FRMD3: variants seen among roughly 807,000 people sequenced by gnomAD.
The protein encoded by FRMD3 is FERM domain-containing protein 3.
Under a neutral mutation model 70.2 loss-of-function variants are expected in FRMD3, and 33 were observed. That is an observed-to-expected ratio of 0.47 (90% confidence interval 0.36 to 0.63). The LOEUF (loss-of-function observed/expected upper bound fraction) is 0.63, where lower values mean the gene tolerates loss of function less well. Among genes scored for constraint, FRMD3 ranks in the 20% least tolerant of loss-of-function variants. The pLI, the probability that FRMD3 is intolerant of heterozygous loss-of-function variation, is 0.00. For synonymous variants in FRMD3, 279 were observed against 255.9 expected, an observed-to-expected ratio of 1.09 and a Z score of -0.86; for missense variants, 632 against 711.4, an observed-to-expected ratio of 0.89 and a Z score of 1.27.
intron 13 of FRMD3, among the ~76,000 whole-genome samples, chr9:83,266,618 G>A (rs898074274): frequency 6.6e-6 from 1 of 152,128 alleles, no homozygotes; most frequent in African/African-American, 2.4e-5. Flanking sequence ...AAGCAGATCT[G>A]AGCTCTGACC....
rs199704575 is a variant in FRMD3, at chr9:83,248,032, G to C, written c.1680C>G (p.Cys560Trp). The C allele has an allele frequency of 1.2e-6, 2 of 1,614,118 alleles. No individual in the cohort carries two copies. Among genetic ancestry groups the C allele is most frequent in the Non-Finnish European group, 1.7e-6 (2 of 1,180,026 alleles). ...CAAACTCTGGTGTCTGGCGGATTTC[G>C]CATAAGAAGGAGAGATCAATACCTG... ...LESGIDLSFL[C>W]EIRQTPEFEQ... The change falls in exon 14 of 14, where the codon TGC becomes TGG. Residue 560 changes from cysteine (C) to tryptophan (W), a missense_variant. Coordinates refer to ENST00000304195, the MANE Select transcript of FRMD3 (RefSeq NM_174938.6).
chr9:83,473,603 T>TAC (rs1285607721), intron 1 of FRMD3, among the ~76,000 whole-genome samples: 7 of 152,144 alleles, frequency 4.6e-5, no homozygotes, highest in African/African-American at 1.4e-4. Context: ...AAGTACATCA[T>TAC]ATTTTCTATC....
rs563296485 is a variant in FRMD3 at position 83,529,412 on chromosome 9, T to C, written c.147+8673A>G. The stretch of plus-strand genomic sequence containing the variant: ...AAAATGTTCTGGAATTAGGGAGTGA[T>C]TGTAGTTGCAAAGTCTTATGAATAT... On this transcript the variant is annotated intron_variant, in intron 1 of 13. Transcript: ENST00000304195. 1.6e-4 allele frequency among the ~76,000 whole-genome samples: 24 copies of C among 152,336 alleles called. No individual in the cohort carries two copies. In the South Asian group the frequency reaches 4.8e-3, roughly 30 times the overall value.
chr9:83,580,331 C>A, the FRMD3 span, among the ~76,000 whole-genome samples: 1 of 151,988 alleles, frequency 6.6e-6, no homozygotes, highest in Non-Finnish European at 1.5e-5. Context: ...TATCTGTACT[C>A]CCATACTCCC....
chr9:83,415,504 G>A (rs1020375046), intron 1 of FRMD3, among the ~76,000 whole-genome samples: 10 of 147,592 alleles, frequency 6.8e-5, no homozygotes, highest in Middle Eastern at 3.6e-3. Context: ...GTGCAGTGGC[G>A]CGATCTCGGC....
intron 1 of FRMD3, among the ~76,000 whole-genome samples, chr9:83,403,968 G>A (rs533933613): frequency 6.6e-6 from 1 of 152,020 alleles, no homozygotes; most frequent in East Asian, 1.9e-4. Context: ...ATACCCGAAG[G>A]TTCCCAGTAG....
chr9:83,547,500 T>C, the FRMD3 span, among the ~76,000 whole-genome samples: 1 of 151,930 alleles, frequency 6.6e-6, no homozygotes, highest in African/African-American at 2.4e-5. Flanking sequence ...ATTCTAAATA[T>C]ATATGCCCCC....
chr9:83,454,335 T>C (rs1827755626), intron 1 of FRMD3, among the ~76,000 whole-genome samples: 2 of 152,200 alleles, frequency 1.3e-5, no homozygotes, highest in Non-Finnish European at 2.9e-5. Flanking sequence ...TAAATGCCAG[T>C]CATTCCAATC....
At chr9:83,471,443 G>A (rs943467073) in intron 1 of FRMD3, among the ~76,000 whole-genome samples, 4 of 152,086 alleles carry the variant, frequency 2.6e-5, no homozygotes, top group Non-Finnish European at 5.9e-5. Context: ...TCACCATTTT[G>A]AGCTATCATT....
At chr9:83,450,065 A>G (rs1425738470) in intron 1 of FRMD3, among the ~76,000 whole-genome samples, 1 of 148,506 alleles carries the variant, frequency 6.7e-6, no homozygotes, top group Non-Finnish European at 1.5e-5. Context: ...AGATATTTAC[A>G]GAAGCACCCA....
chr9:83,343,082 C>T, intron 5 of FRMD3, 108 bp downstream of exon 5: 1 of 793,374 alleles, frequency 1.3e-6, no homozygotes, highest in Admixed American at 1.9e-5. Context: ...ACATGGTCTC[C>T]AGCCACAGAC....
chr9:83,576,751 G>A, the FRMD3 span, among the ~76,000 whole-genome samples: 1 of 151,826 alleles, frequency 6.6e-6, no homozygotes, highest in African/African-American at 2.4e-5. Context: ...TTATAGCCAA[G>A]GTAATTGGGC....
chr9:83,400,359 T>A (rs987813298), intron 1 of FRMD3, among the ~76,000 whole-genome samples: 2 of 152,160 alleles, frequency 1.3e-5, no homozygotes, highest in Admixed American at 1.3e-4. Context: ...AAAATCTATA[T>A]CAGGAAAACT....
chr9:83,330,425 T>C (rs1398393072), intron 6 of FRMD3, among the ~76,000 whole-genome samples: 1 of 152,112 alleles, frequency 6.6e-6, no homozygotes, highest in Non-Finnish European at 1.5e-5. Context: ...AGGAATAACC[T>C]ATTTCTAAAT....
At chr9:83,350,890 C>T (rs888330457) in intron 3 of FRMD3, 1 of 440,496 alleles carries the variant, frequency 2.3e-6, no homozygotes, top group Non-Finnish European at 3.0e-6. Flanking sequence ...TAAATGCATA[C>T]CAGTGTAGTG....
chr9:83,369,827 T>C (rs969631889), intron 3 of FRMD3, among the ~76,000 whole-genome samples: 5 of 152,144 alleles, frequency 3.3e-5, no homozygotes, highest in African/African-American at 4.8e-5. Context: ...TGGAAGGATA[T>C]ACAAAATATT....
At chr9:83,584,865 C>T in the FRMD3 span, among the ~76,000 whole-genome samples, 5 of 152,120 alleles carry the variant, frequency 3.3e-5, no homozygotes, top group African/African-American at 7.2e-5. Flanking sequence ...TGAGGTGTCA[C>T]GCAGTGTTAG....
intron 1 of FRMD3, among the ~76,000 whole-genome samples, chr9:83,476,525 T>C (rs900078799): frequency 6.6e-6 from 1 of 152,196 alleles, no homozygotes; most frequent in African/African-American, 2.4e-5. Flanking sequence ...TTTTAGATGC[T>C]AGCATGTCCA....
At chr9:83,272,902 G>A (rs1328274462) in intron 13 of FRMD3, among the ~76,000 whole-genome samples, 2 of 141,268 alleles carry the variant, frequency 1.4e-5, no homozygotes, top group Non-Finnish European at 3.1e-5. Context: ...CCCTCCGCCC[G>A]GCAGCCGCCC....
Sources: gnomAD v4.1 joint callset for allele counts (sites outside exome capture counted in the v4.1 genomes callset) on GRCh38, gnomAD v4.1.1 for gene constraint, MANE v1.5 for transcripts, NCBI Gene and HGNC (gene_info 2026-07-23, HGNC 2026-07-21) for gene names.